Variants in CPNE4 observed in about 807,000 individuals in gnomAD.
CPNE4 encodes the protein copine-4.
In CPNE4, 25 loss-of-function variants were observed where a neutral mutation model predicts 67.9. The observed-to-expected ratio is 0.37, with a 90% CI of 0.27 to 0.51. The LOEUF (loss-of-function observed/expected upper bound fraction) is 0.51, where lower values mean the gene tolerates loss of function less well. CPNE4 is among the 20% of genes least tolerant of loss of function. The probability of loss-of-function intolerance (pLI) is 0.93; values close to 1 mark genes in which losing one functional copy is unlikely to be tolerated. For synonymous variants in CPNE4, 242 were observed against 244.9 expected (o/e 0.99, Z 0.11); for missense variants, 464 against 690.8 (o/e 0.67, Z 3.68).
At chr3:131,849,037 T>TAC (rs2086129210) in intron 2 of CPNE4, among the ~76,000 whole-genome samples, 1 of 149,588 alleles carries the variant, frequency 6.7e-6, no homozygotes, top group East Asian at 2.0e-4. Context: ...CCAAAGTTGG[T>TAC]ACAGAAAATA....
At chr3:131,944,062 G>T (rs1254634916) in intron 1 of CPNE4, among the ~76,000 whole-genome samples, 7 of 152,066 alleles carry the variant, frequency 4.6e-5, no homozygotes, top group Non-Finnish European at 8.8e-5. Flanking sequence ...TTGAAGACAA[G>T]AACTATTTTT....
chr3:131,898,924 G>A (rs1389327109), intron 2 of CPNE4, among the ~76,000 whole-genome samples: 1 of 152,048 alleles, frequency 6.6e-6, no homozygotes. Flanking sequence ...ATGGGAGTCT[G>A]ATGCAAAATC....
chr3:131,835,899 G>T (rs1288647860), intron 2 of CPNE4, among the ~76,000 whole-genome samples: 3 of 152,202 alleles, frequency 2.0e-5, no homozygotes, highest in East Asian at 1.9e-4. Context: ...GTAAGCAAAG[G>T]CAGCATCTCT....
At position 131,564,316 on chromosome 3, in the gene CPNE4, G is replaced by C; in HGVS notation, c.961C>G (p.Pro321Ala). ...TAGTGCAAGGAACAGCTGTTCCTGG[G>C]GTCCCCGTTTGAGGCAGTGAAATCT... ...AIDFTASNGD[P>A]RNSCSLHYIH... The change falls in exon 11 of 16, where the codon CCC (proline) becomes GCC (alanine). Residue 321 changes from proline to alanine, a missense_variant. Pro to Ala is a conservative substitution (Grantham distance 27, BLOSUM62 -1). This residue lies in a region of CPNE4 where 201 missense variants were observed against 357.7 expected (regional missense o/e 0.56). Coordinates refer to ENST00000429747, the MANE Select transcript of CPNE4 (RefSeq NM_130808.3). 1 of 1,612,456 alleles carries C rather than the reference G, an allele frequency of 6.2e-7. No individual in the cohort carries two copies. The highest frequency in any genetic ancestry group is 1.1e-5 in the South Asian group (1 of 90,938).
At chr3:131,550,918 A>C (rs748577137) in intron 13 of CPNE4, among the ~76,000 whole-genome samples, 5 of 152,128 alleles carry the variant, frequency 3.3e-5, no homozygotes, top group Non-Finnish European at 7.4e-5. Context: ...AGTACTTGAT[A>C]CATCTTGACT....
intron 5 of CPNE4, among the ~76,000 whole-genome samples, chr3:131,689,112 C>T (rs2080966464): frequency 6.6e-6 from 1 of 152,194 alleles, no homozygotes; most frequent in Non-Finnish European, 1.5e-5. Flanking sequence ...AGCATACTGG[C>T]TTTAGCACTG....
chr3:132,012,181 T>A (rs2073783014), intron 1 of CPNE4, among the ~76,000 whole-genome samples: 1 of 151,046 alleles, frequency 6.6e-6, no homozygotes, highest in African/African-American at 2.4e-5. Flanking sequence ...TCGTTTTTTT[T>A]TTTTTTTTAG....
intron 1 of CPNE4, among the ~76,000 whole-genome samples, chr3:132,015,898 T>C (rs1256951453): frequency 6.6e-6 from 1 of 152,218 alleles, no homozygotes; most frequent in East Asian, 1.9e-4. Context: ...AAACCAAGAA[T>C]TGGGGCTTCT....
intron 9 of CPNE4, 143 bp downstream of exon 9, chr3:131,581,436 T>C: frequency 1.6e-6 from 1 of 614,702 alleles, no homozygotes; most frequent in Non-Finnish European, 2.9e-6. Flanking sequence ...TCTCATTTTA[T>C]GTTCTTTAAT....
intron 3 of CPNE4, among the ~76,000 whole-genome samples, chr3:131,710,523 T>G (rs1175420086): frequency 6.6e-6 from 1 of 152,148 alleles, no homozygotes; most frequent in African/African-American, 2.4e-5. Flanking sequence ...TTGTAGAAAT[T>G]GAAAGTGGCT....
intron 7 of CPNE4, among the ~76,000 whole-genome samples, chr3:131,606,555 G>A (rs1444348711): frequency 9.2e-5 from 14 of 152,130 alleles, no homozygotes; most frequent in Admixed American, 9.2e-4. Context: ...ATTCGTCATG[G>A]TCCCTGCTCT....
At chr3:132,012,533 C>G (rs1424295340) in intron 1 of CPNE4, among the ~76,000 whole-genome samples, 2 of 152,010 alleles carry the variant, frequency 1.3e-5, no homozygotes, top group African/African-American at 2.4e-5. Flanking sequence ...GATCCTTGCT[C>G]TAGGTGGTAC....
intron 7 of CPNE4, among the ~76,000 whole-genome samples, chr3:131,653,711 C>G (rs1370574264): frequency 6.6e-6 from 1 of 152,222 alleles, no homozygotes; most frequent in East Asian, 1.9e-4. Flanking sequence ...AATGCTGCAG[C>G]ATTCAGCCTA....
At chr3:132,023,628 C>T (rs541866737) in intron 1 of CPNE4, among the ~76,000 whole-genome samples, 2 of 151,222 alleles carry the variant, frequency 1.3e-5, no homozygotes, top group South Asian at 4.2e-4. Flanking sequence ...GCTGGGACCA[C>T]AAGCACCCGC....
intron 7 of CPNE4, among the ~76,000 whole-genome samples, chr3:131,644,374 C>T (rs2079611497): frequency 6.6e-6 from 1 of 152,088 alleles, no homozygotes; most frequent in African/African-American, 2.4e-5. Context: ...GTCTTGATCA[C>T]CTGACCTCAT....
Position 131,865,397 on chromosome 3 carries a change from A to G in CPNE4, c.180+39867T>C, listed in dbSNP as rs938221735. Among the ~76,000 whole-genome samples, 4 of 141,340 alleles carry G rather than the reference A, an allele frequency of 2.8e-5. No homozygotes were observed. The South Asian group carries it at 6.9e-4, about 24-fold the overall frequency. The allele number at this position is 141,340 out of a possible 152,430, so 92.7% of individuals were successfully genotyped here. A position where few individuals can be genotyped will look rare whatever the true frequency, so the allele number is the denominator to read the frequency against. ...GTAATGCATATTAGTCCTTTTAAAA[A>G]TGCCCTTCACCTCCTACTTTTTGTG... is the stretch of plus-strand genomic sequence containing the variant. On this transcript the variant is annotated intron_variant, in intron 2 of 15. Transcript: ENST00000429747.
chr3:131,885,332 T>C (rs2087837265), intron 2 of CPNE4, among the ~76,000 whole-genome samples: 1 of 132,264 alleles, frequency 7.6e-6, no homozygotes, highest in South Asian at 2.3e-4. Context: ...GTGGGAGAAA[T>C]TTCTTTTTTT....
intron 1 of CPNE4, among the ~76,000 whole-genome samples, chr3:131,999,059 A>G (rs1241707180): frequency 6.6e-6 from 1 of 151,948 alleles, no homozygotes; most frequent in Non-Finnish European, 1.5e-5. Flanking sequence ...GGCATGAAAG[A>G]GGCAGTTACA....
In CPNE4 at chr3:132,003,385, C is replaced by A. The variant is rs141622044; in HGVS notation, c.-2+31182G>T. ...GCTGTAGGTCTAATCAGCTTTTCCA[C>A]AAAGCCCCCACCAGTCTACTCACCC... is the stretch of plus-strand genomic sequence containing the variant. On this transcript the variant is annotated intron_variant, in intron 1 of 15. Coordinates refer to ENST00000429747, the MANE Select transcript of CPNE4 (RefSeq NM_130808.3). Among the ~76,000 whole-genome samples the A allele has an allele frequency of 1.9e-4, 29 of 152,156 alleles. No individual in the cohort carries two copies. The East Asian group carries it at 4.6e-3, about 24-fold the overall frequency.
Sources: allele counts gnomAD v4.1 joint callset (sites outside exome capture counted in the v4.1 genomes callset), GRCh38; gene constraint gnomAD v4.1.1; regional missense constraint gnomAD v4.1.1; transcripts MANE v1.5; gene names NCBI Gene and HGNC (gene_info 2026-07-23, HGNC 2026-07-21).